The following GPR39 variants were observed in gnomAD, a reference collection of about 807,000 sequenced individuals.
The protein encoded by GPR39 is G protein-coupled receptor 39.
In GPR39, 23 loss-of-function variants were observed where a neutral mutation model predicts 18.4. The ratio of observed to expected loss-of-function variants is 1.25; its 90% CI spans 0.90 to 1.77. The LOEUF is 1.77. Ranked by LOEUF, GPR39 falls within the 40% of genes most tolerant of loss-of-function variation. The pLI, the probability that GPR39 is intolerant of heterozygous loss-of-function variation, is 0.00. For missense variants in GPR39, 647 were observed against 602.4 expected (o/e 1.07, Z -0.78); for synonymous variants, 280 against 257.9 (o/e 1.09, Z -0.82).
Position 132,616,367 on chromosome 2 carries a change from C to A in GPR39, c.857-28734C>A, listed in dbSNP as rs116714136. 1.7e-3 allele frequency among the ~76,000 whole-genome samples: 261 copies of A among 152,200 alleles called. 2 individuals are homozygous for A. The highest frequency in any genetic ancestry group is 5.7e-3 in the African/African-American group (237 of 41,526). On this transcript the variant is annotated intron_variant, in intron 1 of 1. Transcript: ENST00000329321. ...CTATATTCATTGAGCTGCCTTTATA[C>A]CTAATAGGACACCTGTCACCATGCA...
At chr2:132,534,807 G>T (rs1573652418) in intron 1 of GPR39, among the ~76,000 whole-genome samples, 2 of 151,956 alleles carry the variant, frequency 1.3e-5, no homozygotes, top group African/African-American at 2.4e-5. Context: ...CATGGACACA[G>T]GAAGGGGAAC....
At chr2:132,518,967 A>T (rs1231050668) in intron 1 of GPR39, among the ~76,000 whole-genome samples, 1 of 152,238 alleles carries the variant, frequency 6.6e-6, no homozygotes, top group East Asian at 1.9e-4. Context: ...ATGGGTCTAG[A>T]TTGAATTTCT....
intron 1 of GPR39, among the ~76,000 whole-genome samples, chr2:132,510,320 A>ATG (rs1443414000): frequency 2.0e-5 from 3 of 152,152 alleles, no homozygotes; most frequent in Non-Finnish European, 4.4e-5. Flanking sequence ...GAAGCCTAGG[A>ATG]TGTAATTTGA....
intron 1 of GPR39, among the ~76,000 whole-genome samples, chr2:132,490,731 G>A (rs916328837): frequency 1.3e-5 from 2 of 150,996 alleles, no homozygotes; most frequent in Non-Finnish European, 2.9e-5. Context: ...GGGTGAGGGA[G>A]GTAGGGTTTC....
chr2:132,460,974 G>T (rs1185084511), intron 1 of GPR39, among the ~76,000 whole-genome samples: 1 of 152,116 alleles, frequency 6.6e-6, no homozygotes, highest in African/African-American at 2.4e-5. Flanking sequence ...ACTTGGCAAG[G>T]GAGTGGACTG....
At chr2:132,595,447 A>T (rs1379940362) in intron 1 of GPR39, among the ~76,000 whole-genome samples, 1 of 151,984 alleles carries the variant, frequency 6.6e-6, no homozygotes, top group Non-Finnish European at 1.5e-5. Context: ...GCTGTCTTCG[A>T]AGTTGTAACC....
At chr2:132,455,544 G>A (rs1680706425) in intron 1 of GPR39, among the ~76,000 whole-genome samples, 3 of 152,036 alleles carry the variant, frequency 2.0e-5, no homozygotes, top group South Asian at 4.1e-4. Flanking sequence ...GTTTGCTCTT[G>A]CTTCTCTAGT....
chr2:132,599,667 GTGCTC>G (rs1373680512), intron 1 of GPR39, among the ~76,000 whole-genome samples: 22 of 140,132 alleles, frequency 1.6e-4, no homozygotes, highest in Admixed American at 1.5e-3. Flanking sequence ...CTCAGGGACT[GTGCTC>G]TGCAGTGAAA....
rs184020561 is a variant in GPR39 at position 132,638,173 on chromosome 2, G to T, written c.857-6928G>T. 2.1e-3 allele frequency among the ~76,000 whole-genome samples: 313 copies of T among 152,256 alleles called. 4 individuals carry two copies. The highest frequency in any genetic ancestry group is 0.019 in the Admixed American group (296 of 15,296). On this transcript the variant is annotated intron_variant, in intron 1 of 1. Coordinates refer to ENST00000329321, the MANE Select transcript of GPR39 (RefSeq NM_001508.3). ...AGAAGAAAGAAGACAGGATGAGGAA[G>T]AGCTGTGTGTGGAAATAAGTGGGAC... is the stretch of plus-strand genomic sequence containing the variant.
At chr2:132,495,202 A>T (rs1681617260) in intron 1 of GPR39, among the ~76,000 whole-genome samples, 1 of 152,224 alleles carries the variant, frequency 6.6e-6, no homozygotes. Flanking sequence ...AGAAGGCTCC[A>T]TGGAGGATTT....
intron 1 of GPR39, among the ~76,000 whole-genome samples, chr2:132,565,407 T>TC (rs1680331012): frequency 6.6e-6 from 1 of 151,694 alleles, no homozygotes. Flanking sequence ...TTTTTTTTTT[T>TC]TTTTTATTAT....
chr2:132,557,631 G>A (rs1490535213), intron 1 of GPR39, among the ~76,000 whole-genome samples: 1 of 151,726 alleles, frequency 6.6e-6, no homozygotes, highest in Admixed American at 6.6e-5. Context: ...CCCAAGGTCA[G>A]GCAAGTAAGT....
chr2:132,627,931 G>A (rs1319704792), intron 1 of GPR39, among the ~76,000 whole-genome samples: 1 of 152,194 alleles, frequency 6.6e-6, no homozygotes, highest in African/African-American at 2.4e-5. Context: ...TGGCCAGTCT[G>A]TGATTAAGTG....
At chr2:132,460,296 A>T (rs936992482) in intron 1 of GPR39, among the ~76,000 whole-genome samples, 4 of 152,126 alleles carry the variant, frequency 2.6e-5, no homozygotes, top group Admixed American at 6.5e-5. Flanking sequence ...TGGCTGTACC[A>T]TTTTTGCCCT....
chr2:132,569,656 T>A (rs1369613906), intron 1 of GPR39, among the ~76,000 whole-genome samples: 1 of 151,938 alleles, frequency 6.6e-6, no homozygotes, highest in Admixed American at 6.6e-5. Context: ...CATCGTTCCC[T>A]AGAGCTGGCT....
At chr2:132,549,720 G>A (rs988887041) in intron 1 of GPR39, among the ~76,000 whole-genome samples, 6 of 152,080 alleles carry the variant, frequency 3.9e-5, no homozygotes, top group African/African-American at 9.7e-5. Context: ...CCCAGGAGGC[G>A]GAGGTTGCAG....
rs1558827409 is a variant in GPR39, at chr2:132,528,139, T to C, written c.856+110241T>C. On this transcript the variant is annotated intron_variant, in intron 1 of 1. Coordinates refer to ENST00000329321, the MANE Select transcript of GPR39 (RefSeq NM_001508.3). ...TAAGGAAGGGATTCAGTATCAGTTT[T>C]CTTCACATGGCTAGTGAGTTTTCCC... Among the ~76,000 whole-genome samples, 4 of 152,372 alleles carry C rather than the reference T, an allele frequency of 2.6e-5. No individual in the cohort carries two copies. In the East Asian group the frequency reaches 7.7e-4, roughly 29 times the overall value.
At chr2:132,608,294 G>A (rs1681177270) in intron 1 of GPR39, among the ~76,000 whole-genome samples, 1 of 152,232 alleles carries the variant, frequency 6.6e-6, no homozygotes, top group African/African-American at 2.4e-5. Flanking sequence ...GCACCAGTTA[G>A]AACAGGTACA....
intron 1 of GPR39, among the ~76,000 whole-genome samples, chr2:132,555,736 G>A (rs1033404460): frequency 2.6e-5 from 4 of 152,104 alleles, no homozygotes; most frequent in Admixed American, 2.6e-4. Flanking sequence ...TAGCCCTGGA[G>A]GCCAACTTCA....
Sources: allele counts gnomAD v4.1 joint callset (sites outside exome capture counted in the v4.1 genomes callset), GRCh38; gene constraint gnomAD v4.1.1; transcripts MANE v1.5; gene names NCBI Gene and HGNC (gene_info 2026-07-23, HGNC 2026-07-21).